Variants in OVCH1 observed in about 807,000 individuals in gnomAD.
OVCH1 encodes ovochymase-1.
A neutral mutation model predicts 138.4 loss-of-function variants in OVCH1; 139 were observed. The ratio of observed to expected loss-of-function variants is 1.00; its 90% confidence interval spans 0.87 to 1.16. The LOEUF is 1.16. OVCH1 is among the 50% of genes most tolerant of loss of function. OVCH1 has a pLI of 0.00. For missense variants in OVCH1, 1,367 were observed against 1,357.9 expected (o/e 1.01, Z -0.11); for synonymous variants, 453 against 467.8 (o/e 0.97, Z 0.41).
At chr12:29,479,815 C>CTT (rs927619162) in intron 8 of OVCH1, among the ~76,000 whole-genome samples, 1 of 126,818 alleles carries the variant, frequency 7.9e-6, no homozygotes, top group Non-Finnish European at 1.8e-5. Context: ...ATTGGCAACT[C>CTT]TTTTTTTTCT....
chr12:29,407,588 G>C (rs1189668802), downstream of OVCH1, among the ~76,000 whole-genome samples: 424 of 151,226 alleles, frequency 2.8e-3, 1 homozygote, highest in Middle Eastern at 0.017. Context: ...GCTTGTTTTT[G>C]TCAGGTTTGT....
At chr12:29,471,835 A>G in exon 16 of OVCH1, 1 of 1,612,620 alleles carries the variant, frequency 6.2e-7, no homozygotes, top group Non-Finnish European at 8.5e-7. Context: ...CAGAATCCAC[A>G]CTGGGTTGAT....
At chr12:29,464,943 T>A (rs1942265135) in intron 17 of OVCH1, among the ~76,000 whole-genome samples, 1 of 152,186 alleles carries the variant, frequency 6.6e-6, no homozygotes, top group African/African-American at 2.4e-5. Flanking sequence ...TCCATGGGCC[T>A]AAATTTGCAA....
At chr12:29,446,128 T>C (rs918372511) in intron 22 of OVCH1, among the ~76,000 whole-genome samples, 62 of 152,086 alleles carry the variant, frequency 4.1e-4, no homozygotes, top group African/African-American at 1.4e-3. Context: ...TTTTATCTTA[T>C]TATGTGTTTT....
intron 22 of OVCH1, among the ~76,000 whole-genome samples, chr12:29,451,013 T>A (rs781058774): frequency 8.5e-5 from 9 of 105,854 alleles, no homozygotes; most frequent in Non-Finnish European, 1.3e-4. Context: ...CTGGGGCCTG[T>A]TGGGGGGTGG....
At chr12:29,415,570 C>A (rs1175628917) in intron 3 of OVCH1, among the ~76,000 whole-genome samples, 1 of 152,088 alleles carries the variant, frequency 6.6e-6, no homozygotes, top group African/African-American at 2.4e-5. Flanking sequence ...ACAATGAAGA[C>A]AATGCAATAC....
intron 3 of OVCH1, among the ~76,000 whole-genome samples, chr12:29,495,918 G>T (rs1052764942): frequency 3.3e-5 from 5 of 152,076 alleles, no homozygotes; most frequent in Admixed American, 3.3e-4. Flanking sequence ...CTTTATTACA[G>T]TAAGTAACCA....
chr12:29,435,761 C>T (rs1341472029), intron 26 of OVCH1, among the ~76,000 whole-genome samples: 3 of 152,134 alleles, frequency 2.0e-5, no homozygotes. Flanking sequence ...CATCTGGTTC[C>T]CTTTCTTGTG....
intron 19 of OVCH1, among the ~76,000 whole-genome samples, chr12:29,458,570 A>C (rs1942028754): frequency 6.6e-6 from 1 of 152,200 alleles, no homozygotes; most frequent in African/African-American, 2.4e-5. Flanking sequence ...GAAACTTTCC[A>C]GGATTCTGGA....
intron 16 of OVCH1, among the ~76,000 whole-genome samples, chr12:29,467,293 T>C (rs1355335987): frequency 3.9e-5 from 6 of 152,202 alleles, no homozygotes; most frequent in African/African-American, 1.2e-4. Flanking sequence ...GATGGTAGAA[T>C]TGACAATGTA....
chr12:29,495,362 G>T, exon 4 of OVCH1: 1 of 1,613,098 alleles, frequency 6.2e-7, no homozygotes, highest in East Asian at 2.2e-5. Context: ...TTCAGGATGG[G>T]TAATAATTTT....
chr12:29,441,221 A>G (rs898841349), intron 25 of OVCH1, among the ~76,000 whole-genome samples: 18 of 152,216 alleles, frequency 1.2e-4, no homozygotes, highest in African/African-American at 3.4e-4. Flanking sequence ...TTCAAACTAT[A>G]CTACAAGGCT....
intron 8 of OVCH1, among the ~76,000 whole-genome samples, chr12:29,484,214 G>A (rs1946721): frequency 0.57 from 86,624 of 152,062 alleles, 25,036 homozygotes; most frequent in East Asian, 0.74. Flanking sequence ...AAATGAGACT[G>A]AAGCTTATAG....
At chr12:29,423,316 T>C (rs1476639572), downstream of OVCH1, 1 of 454,746 alleles carries the variant, frequency 2.2e-6, no homozygotes, top group Non-Finnish European at 4.4e-6. Context: ...GAAAGACATA[T>C]TCGATAATTA....
chr12:29,453,877 C>T (rs1941867431), intron 21 of OVCH1, among the ~76,000 whole-genome samples: 2 of 152,150 alleles, frequency 1.3e-5, no homozygotes, highest in Admixed American at 6.6e-5. Context: ...GATCATTCAT[C>T]TCAGGGGGCC....
At chr12:29,443,099 T>G (rs1243500553) in intron 25 of OVCH1, among the ~76,000 whole-genome samples, 1 of 152,116 alleles carries the variant, frequency 6.6e-6, no homozygotes, top group Non-Finnish European at 1.5e-5. Context: ...ATTCATTCTT[T>G]ATTTTTAGTA....
downstream of OVCH1, among the ~76,000 whole-genome samples, chr12:29,409,043 G>A (rs531516282): frequency 1.3e-5 from 2 of 152,258 alleles, no homozygotes; most frequent in African/African-American, 4.8e-5. Context: ...TTGGGAGAGT[G>A]TATGTGTCGA....
At chr12:29,472,358 A>G (rs1942542620) in intron 15 of OVCH1, among the ~76,000 whole-genome samples, 1 of 152,202 alleles carries the variant, frequency 6.6e-6, no homozygotes, top group Non-Finnish European at 1.5e-5. Context: ...TTGTTAGCAG[A>G]GTACATAAGG....
At chr12:29,425,422 G>T (rs761052665), downstream of OVCH1, among the ~76,000 whole-genome samples, 1 of 151,960 alleles carries the variant, frequency 6.6e-6, no homozygotes, top group African/African-American at 2.4e-5. Context: ...TATAATGCTC[G>T]CCTTGAAGAT....
Sources: allele counts gnomAD v4.1 joint callset (sites outside exome capture counted in the v4.1 genomes callset), GRCh38; gene constraint gnomAD v4.1.1; transcripts MANE v1.5; gene names NCBI Gene and HGNC (gene_info 2026-07-23, HGNC 2026-07-21).